UGT1A6: variants seen among roughly 807,000 people sequenced by gnomAD.
UGT1A6 encodes UDP-glucuronosyltransferase 1A6.
In UGT1A6, 32 loss-of-function variants were observed where a neutral mutation model predicts 44.4. That is an observed-to-expected ratio of 0.72 (90% CI 0.54 to 0.97). The LOEUF (loss-of-function observed/expected upper bound fraction) is 0.97. Ranked by LOEUF, UGT1A6 falls within the 50% of genes least tolerant of loss-of-function variation. The pLI is 0.00. For missense variants in UGT1A6, 685 were observed against 661.9 expected (o/e 1.03, Z -0.38); for synonymous variants, 238 against 248.5 (o/e 0.96, Z 0.40).
At chr2:233,730,371 T>C (rs1375924319) in intron 1 of UGT1A6, among the ~76,000 whole-genome samples, 1 of 152,196 alleles carries the variant, frequency 6.6e-6, no homozygotes, top group Non-Finnish European at 1.5e-5. Flanking sequence ...AGCATGATTT[T>C]CAGGGGAAAG....
At chr2:233,750,325 T>C (rs1342214391) in intron 1 of UGT1A6, among the ~76,000 whole-genome samples, 1 of 151,898 alleles carries the variant, frequency 6.6e-6, no homozygotes, top group Non-Finnish European at 1.5e-5. Context: ...AACTTTGAAC[T>C]TCAGAGAGAT....
intron 1 of UGT1A6, among the ~76,000 whole-genome samples, chr2:233,745,582 T>C (rs1693150962): frequency 6.6e-6 from 1 of 151,630 alleles, no homozygotes; most frequent in Admixed American, 6.6e-5. Context: ...TGACATAACC[T>C]GAGACCCGGA....
At chr2:233,707,162 C>A (rs2075944587) in intron 1 of UGT1A6, among the ~76,000 whole-genome samples, 1 of 152,100 alleles carries the variant, frequency 6.6e-6, no homozygotes, top group Non-Finnish European at 1.5e-5. Context: ...TTATCAGCAC[C>A]CAGACATCCA....
chr2:233,747,148 T>C (rs2125883163), intron 1 of UGT1A6: 2 of 1,570,870 alleles, frequency 1.3e-6, no homozygotes, highest in Non-Finnish European at 1.7e-6. Flanking sequence ...GTAATTAAGA[T>C]GAAGAAAACA....
chr2:233,743,050 C>G (rs577515653), intron 1 of UGT1A6: 2 of 317,988 alleles, frequency 6.3e-6, no homozygotes, highest in African/African-American at 2.2e-5. Flanking sequence ...CCGTGTAGTC[C>G]CAACGATAAG....
rs923296681 is a variant in UGT1A6 at position 233,722,920 on chromosome 2, C to A, written c.861+29055C>A. 6.3e-5 allele frequency among the ~76,000 whole-genome samples: 8 copies of A among 127,544 alleles called. No individual in the cohort carries two copies. In the East Asian group the frequency reaches 2.1e-3, roughly 34 times the overall value. 83.7% of individuals were successfully genotyped at this position (127,544 alleles called of 152,430 possible). On this transcript the variant is annotated intron_variant, in intron 1 of 4. Coordinates refer to ENST00000305139, the MANE Select transcript of UGT1A6 (RefSeq NM_001072.4). The stretch of plus-strand genomic sequence containing the variant: ...AGTGGATCATCATAAAGGTCTTCAT[C>A]CTCATTGTCTCCATGCTGAGTGGGC...
Position 233,696,288 on chromosome 2 carries a change from G to A in UGT1A6, c.861+2423G>A, listed in dbSNP as rs2075336055. Among the ~76,000 whole-genome samples, 4 of 152,290 alleles carry A rather than the reference G, an allele frequency of 2.6e-5. No individual in the cohort carries two copies. In the South Asian group the frequency reaches 8.3e-4, roughly 32 times the overall value. On this transcript the variant is annotated intron_variant, in intron 1 of 4. Transcript: ENST00000305139. ...GAATGGATAAAGAAAACGTAGGACTGTAATATCGTGAAATATATATTTGGT... is the reference window on the plus strand; with the variant it reads ...GAATGGATAAAGAAAACGTAGGACTATAATATCGTGAAATATATATTTGGT...
At chr2:233,692,517 C>T (rs28899169), upstream of UGT1A6, among the ~76,000 whole-genome samples, 571 of 152,144 alleles carry the variant, frequency 3.8e-3, 7 homozygotes, top group African/African-American at 0.013. Flanking sequence ...CTGTGGGGTC[C>T]GTGCTAACTC....
At chr2:233,714,093 T>C (rs1575506008) in intron 1 of UGT1A6, among the ~76,000 whole-genome samples, 1 of 152,008 alleles carries the variant, frequency 6.6e-6, no homozygotes, top group East Asian at 1.9e-4. Context: ...TGTCAAAGGA[T>C]GGGCAAGAGT....
chr2:233,715,999 A>C (rs2076482577), intron 1 of UGT1A6, among the ~76,000 whole-genome samples: 1 of 152,184 alleles, frequency 6.6e-6, no homozygotes, highest in African/African-American at 2.4e-5. Flanking sequence ...ACAAAACCCA[A>C]AATGACTTTA....
chr2:233,719,283 A>C (rs760908491), intron 1 of UGT1A6: 35 of 1,613,936 alleles, frequency 2.2e-5, no homozygotes, highest in Admixed American at 5.0e-5. Flanking sequence ...AGACCCCGTT[A>C]ACCTCTGTGG....
chr2:233,727,005 A>G (rs937597843), intron 1 of UGT1A6, among the ~76,000 whole-genome samples: 3 of 152,154 alleles, frequency 2.0e-5, no homozygotes, highest in African/African-American at 7.2e-5. Context: ...GCAAAGTTTT[A>G]TCATTTGTTG....
At chr2:233,701,673 A>T (rs544272724) in intron 1 of UGT1A6, among the ~76,000 whole-genome samples, 2 of 152,338 alleles carry the variant, frequency 1.3e-5, no homozygotes, top group South Asian at 4.1e-4. Context: ...TCAAACTAGA[A>T]CTCAGAATTA....
chr2:233,764,333 T>C (rs1001712287), intron 1 of UGT1A6, among the ~76,000 whole-genome samples: 8 of 152,206 alleles, frequency 5.3e-5, no homozygotes, highest in African/African-American at 1.9e-4. Flanking sequence ...AAGTAGGGGA[T>C]GGACTTCACC....
chr2:233,729,041 C>G, intron 1 of UGT1A6: 1 of 1,605,398 alleles, frequency 6.2e-7, no homozygotes, highest in East Asian at 2.2e-5. Context: ...CTAAGTGGCT[C>G]AGTGACAAGG....
At chr2:233,747,348 G>A (rs1230445654) in intron 1 of UGT1A6, 17 of 1,603,310 alleles carry the variant, frequency 1.1e-5, no homozygotes, top group African/African-American at 4.0e-5. Context: ...TCGCATGCGG[G>A]AGGCCGTGCG....
chr2:233,740,036 G>C (rs901292924), intron 1 of UGT1A6, among the ~76,000 whole-genome samples: 3 of 151,764 alleles, frequency 2.0e-5, no homozygotes, highest in Admixed American at 2.0e-4. Context: ...GGTTTTATAA[G>C]GGACTCTTTC....
intron 1 of UGT1A6, among the ~76,000 whole-genome samples, chr2:233,765,730 T>TAATAATAAA (rs1427774434): frequency 6.7e-6 from 1 of 150,190 alleles, no homozygotes; most frequent in Non-Finnish European, 1.5e-5. Context: ...ATAATAATAA[T>TAATAATAAA]AAATAAACCC....
intron 1 of UGT1A6, among the ~76,000 whole-genome samples, chr2:233,710,877 A>T (rs1019417253): frequency 6.6e-6 from 1 of 152,230 alleles, no homozygotes; most frequent in East Asian, 1.9e-4. Context: ...AAAGTTAAAC[A>T]GTTTAAGTTT....
Sources: gnomAD v4.1 joint callset for allele counts (sites outside exome capture counted in the v4.1 genomes callset) on GRCh38, gnomAD v4.1.1 for gene constraint, MANE v1.5 for transcripts, NCBI Gene and HGNC (gene_info 2026-07-23, HGNC 2026-07-21) for gene names.